The following CACNB2 variants were observed in gnomAD, a reference collection of about 807,000 sequenced individuals.
CACNB2 encodes the protein calcium voltage-gated channel auxiliary subunit beta 2.
Under a neutral mutation model 73.3 loss-of-function variants are expected in CACNB2, and 42 were observed. That is an observed-to-expected ratio of 0.57 (90% CI 0.45 to 0.74). The LOEUF (loss-of-function observed/expected upper bound fraction) is 0.74. CACNB2 is among the 30% of genes least tolerant of loss of function. The pLI, the probability that CACNB2 is intolerant of heterozygous loss-of-function variation, is 0.00. For missense variants in CACNB2, 940 were observed against 853.0 expected (o/e 1.10, Z -1.27); for synonymous variants, 348 against 310.3 (o/e 1.12, Z -1.28).
chr10:18,161,593 A>G (rs539083620), intron 2 of CACNB2, among the ~76,000 whole-genome samples: 104 of 150,582 alleles, frequency 6.9e-4, no homozygotes, highest in Admixed American at 2.8e-3. Context: ...TTGGTGGTCC[A>G]GGTGCCGCAT....
At chr10:18,281,894 C>G (rs2038563651) in intron 2 of CACNB2, among the ~76,000 whole-genome samples, 1 of 143,570 alleles carries the variant, frequency 7.0e-6, no homozygotes, top group Non-Finnish European at 1.5e-5. Flanking sequence ...GCAGGAGAAT[C>G]ACTGGAGCTC....
intron 2 of CACNB2, among the ~76,000 whole-genome samples, chr10:18,183,083 T>C (rs1447556507): frequency 6.6e-6 from 1 of 152,124 alleles, no homozygotes; most frequent in African/African-American, 2.4e-5. Flanking sequence ...GGAATCCTCA[T>C]TTTGCAGCCA....
chr10:18,217,406 T>C (rs190937254), intron 2 of CACNB2, among the ~76,000 whole-genome samples: 2 of 151,988 alleles, frequency 1.3e-5, no homozygotes, highest in African/African-American at 4.8e-5. Flanking sequence ...ATCACTTGAA[T>C]CCAGGAGGCA....
At chr10:18,374,721 C>A (rs1229599400) in intron 2 of CACNB2, among the ~76,000 whole-genome samples, 1 of 152,130 alleles carries the variant, frequency 6.6e-6, no homozygotes, top group Non-Finnish European at 1.5e-5. Context: ...ATGTCCTGTG[C>A]AACAGCAGAA....
At chr10:18,535,815 G>T (rs995647109) in intron 11 of CACNB2, among the ~76,000 whole-genome samples, 3 of 151,928 alleles carry the variant, frequency 2.0e-5, no homozygotes, top group Non-Finnish European at 4.4e-5. Flanking sequence ...CAGATTTATT[G>T]TGAATTTTTA....
chr10:18,497,696 A>C (rs986611229), intron 3 of CACNB2, among the ~76,000 whole-genome samples: 2 of 152,200 alleles, frequency 1.3e-5, no homozygotes, highest in Admixed American at 6.5e-5. Context: ...AAATGCTGGG[A>C]TTACAGGCAT....
At chr10:18,538,020 C>G (rs1564673523) in intron 12 of CACNB2, among the ~76,000 whole-genome samples, 160 bp from the exon 13 acceptor site, 1 of 152,150 alleles carries the variant, frequency 6.6e-6, no homozygotes, top group African/African-American at 2.4e-5. Context: ...TAGTCAGACA[C>G]TTCCTAACTA....
chr10:18,448,499 AAAG>A (rs1324107699), intron 3 of CACNB2, among the ~76,000 whole-genome samples: 10 of 147,506 alleles, frequency 6.8e-5, no homozygotes, highest in East Asian at 5.9e-4. Flanking sequence ...AAAAAAAAAA[AAAG>A]AAAAGAAAAG....
At chr10:18,517,461 GCTC>G (rs2051394217) in intron 7 of CACNB2, among the ~76,000 whole-genome samples, 1 of 152,026 alleles carries the variant, frequency 6.6e-6, no homozygotes, top group Non-Finnish European at 1.5e-5. Context: ...ACAAAATTTA[GCTC>G]CTCCCCTCTT....
At position 18,362,887 on chromosome 10, in the gene CACNB2, C is replaced by T. The variant is rs552753205; in HGVS notation, c.214-39037C>T. Among the ~76,000 whole-genome samples the T allele has an allele frequency of 1.3e-4, 20 of 150,312 alleles. No homozygotes were observed. The South Asian group carries it at 2.4e-3, about 18-fold the overall frequency. On this transcript the variant is annotated intron_variant, in intron 2 of 13. Coordinates refer to ENST00000324631, the MANE Select transcript of CACNB2 (RefSeq NM_201596.3). Reference sequence around the variant, plus strand: ...CGCTGACACTGCACTCCAGCGTGGGCGACAGAGTGAAACTCTGTTTAAAAA... The same window carrying T: ...CGCTGACACTGCACTCCAGCGTGGGTGACAGAGTGAAACTCTGTTTAAAAA...
At chr10:18,228,451 A>AAAAAAAAAAAAAG (rs1588766949) in intron 2 of CACNB2, among the ~76,000 whole-genome samples, 2 of 95,474 alleles carry the variant, frequency 2.1e-5, no homozygotes, top group African/African-American at 3.4e-5. Context: ...AAAAAAAAAG[A>AAAAAAAAAAAAAG]AAAAAAAAAA....
At chr10:18,370,794 CA>C (rs2042547426) in intron 2 of CACNB2, among the ~76,000 whole-genome samples, 2 of 152,124 alleles carry the variant, frequency 1.3e-5, no homozygotes, top group South Asian at 4.1e-4. Context: ...AACTTTCTCC[CA>C]TTGTTGGGCA....
chr10:18,419,148 G>A (rs184612384), intron 3 of CACNB2, among the ~76,000 whole-genome samples: 2 of 152,330 alleles, frequency 1.3e-5, no homozygotes, highest in East Asian at 1.9e-4. Context: ...GAAAGTTACC[G>A]TGGTTGAACT....
At chr10:18,459,953 G>A (rs951997499) in intron 3 of CACNB2, among the ~76,000 whole-genome samples, 3 of 152,066 alleles carry the variant, frequency 2.0e-5, no homozygotes, top group East Asian at 1.9e-4. Context: ...AGCCGAGATC[G>A]CACCACTGCA....
intron 2 of CACNB2, among the ~76,000 whole-genome samples, chr10:18,245,313 G>A (rs1476236205): frequency 6.6e-6 from 1 of 152,082 alleles, no homozygotes; most frequent in Non-Finnish European, 1.5e-5. Flanking sequence ...ACTGTTGCCT[G>A]TGTTCATTTT....
At chr10:18,322,934 C>G (rs2040447173) in intron 2 of CACNB2, among the ~76,000 whole-genome samples, 1 of 147,572 alleles carries the variant, frequency 6.8e-6, no homozygotes, top group Admixed American at 6.8e-5. Context: ...ATGATAGCCA[C>G]TACCTTAACT....
chr10:18,369,494 A>T (rs183335603), intron 2 of CACNB2, among the ~76,000 whole-genome samples: 158 of 152,326 alleles, frequency 1.0e-3, no homozygotes, highest in African/African-American at 3.5e-3. Flanking sequence ...TTTTAAGAAG[A>T]AACATGCATC....
chr10:18,267,845 T>G (rs1423230176), intron 2 of CACNB2, among the ~76,000 whole-genome samples: 1 of 152,194 alleles, frequency 6.6e-6, no homozygotes, highest in Non-Finnish European at 1.5e-5. Flanking sequence ...CAGTTTCATG[T>G]GTGAATGACA....
At chr10:18,372,735 C>T (rs2042640496) in intron 2 of CACNB2, among the ~76,000 whole-genome samples, 1 of 152,126 alleles carries the variant, frequency 6.6e-6, no homozygotes, top group Admixed American at 6.6e-5. Flanking sequence ...GCCATATTTC[C>T]TTCTTCCTCA....
Sources: allele counts gnomAD v4.1 joint callset (sites outside exome capture counted in the v4.1 genomes callset), GRCh38; gene constraint gnomAD v4.1.1; transcripts MANE v1.5; gene names NCBI Gene and HGNC (gene_info 2026-07-23, HGNC 2026-07-21).